MCM9: variants seen among roughly 807,000 people sequenced by gnomAD.
MCM9 encodes the protein minichromosome maintenance 9 homologous recombination repair factor.
In MCM9, 55 loss-of-function variants were observed where a neutral mutation model predicts 72.8. The observed-to-expected ratio is 0.76, with a 90% CI of 0.61 to 0.95. MCM9 has a LOEUF of 0.95. MCM9 is among the 40% of genes least tolerant of loss of function. The pLI is 0.00. For synonymous variants in MCM9, 480 were observed against 503.4 expected (o/e 0.95, Z 0.62); for missense variants, 1,279 against 1,377.0 (o/e 0.93, Z 1.13).
chr6:118,916,463 A>ATT (rs1755462535), intron 6 of MCM9, among the ~76,000 whole-genome samples: 3 of 147,362 alleles, frequency 2.0e-5, no homozygotes, highest in African/African-American at 7.4e-5. Flanking sequence ...TATTATTATT[A>ATT]TTATTATTAT....
At chr6:118,897,542 C>A (rs1779509065) in intron 8 of MCM9, among the ~76,000 whole-genome samples, 1 of 152,090 alleles carries the variant, frequency 6.6e-6, no homozygotes, top group South Asian at 2.1e-4. Context: ...TCAGCTTGTT[C>A]TAATTCCAAA....
chr6:118,891,685 G>A (rs1419655774), intron 8 of MCM9, among the ~76,000 whole-genome samples: 1 of 152,126 alleles, frequency 6.6e-6, no homozygotes, highest in Non-Finnish European at 1.5e-5. Flanking sequence ...ACATTCTGAG[G>A]TACTAGGGAT....
intron 8 of MCM9, among the ~76,000 whole-genome samples, chr6:118,864,558 G>T (rs986825429): frequency 6.6e-6 from 1 of 151,866 alleles, no homozygotes; most frequent in Non-Finnish European, 1.5e-5. Flanking sequence ...CACACTGGGC[G>T]ACTAAGAAAA....
At chr6:118,858,860 C>A (rs1488590494) in intron 8 of MCM9, among the ~76,000 whole-genome samples, 1 of 152,158 alleles carries the variant, frequency 6.6e-6, no homozygotes, top group Non-Finnish European at 1.5e-5. Flanking sequence ...TCTCCCCAAA[C>A]TGTTCTGTAG....
At chr6:118,824,195 A>G (rs1327665827) in intron 13 of MCM9, among the ~76,000 whole-genome samples, 1 of 152,060 alleles carries the variant, frequency 6.6e-6, no homozygotes, top group Admixed American at 6.6e-5. Context: ...CCAAACAAAA[A>G]AGCAAATAGC....
intron 2 of MCM9, 91 bp from the exon 3 acceptor site, chr6:118,931,829 C>T: frequency 1.0e-6 from 1 of 953,452 alleles, no homozygotes; most frequent in Non-Finnish European, 1.5e-6. Flanking sequence ...ATCACACTGG[C>T]TTTGGGTCAT....
chr6:118,818,742 G>GATTC (rs1773582490), intron 13 of MCM9, among the ~76,000 whole-genome samples: 1 of 152,124 alleles, frequency 6.6e-6, no homozygotes, highest in African/African-American at 2.4e-5. Flanking sequence ...TCACAATATT[G>GATTC]ATTCACCCTA....
chr6:118,914,673 G>C (rs1780799719), intron 6 of MCM9, among the ~76,000 whole-genome samples: 1 of 152,138 alleles, frequency 6.6e-6, no homozygotes, highest in Admixed American at 6.6e-5. Context: ...CCAGAATCTA[G>C]TGATTACATG....
chr6:118,911,414 A>G (rs1470986290), intron 8 of MCM9: 7 of 1,255,994 alleles, frequency 5.6e-6, no homozygotes, highest in Non-Finnish European at 4.0e-6. Context: ...GGTAATCACT[A>G]GAGAATGAGA....
intron 3 of MCM9, among the ~76,000 whole-genome samples, chr6:118,930,401 C>T (rs1464532969): frequency 2.0e-5 from 3 of 152,136 alleles, no homozygotes; most frequent in Non-Finnish European, 2.9e-5. Flanking sequence ...CGTGAGCCAC[C>T]GCGCCCGGCT....
chr6:118,879,957 T>G (rs963755910), intron 8 of MCM9, among the ~76,000 whole-genome samples: 7 of 151,164 alleles, frequency 4.6e-5, no homozygotes, highest in Admixed American at 4.6e-4. Flanking sequence ...GCAAGGAGAA[T>G]CACTTGAACC....
intron 9 of MCM9, among the ~76,000 whole-genome samples, chr6:118,841,835 CTTT>C (rs750136757): frequency 6.7e-5 from 9 of 134,682 alleles, no homozygotes; most frequent in Admixed American, 7.4e-5. Context: ...GCTATCTTGC[CTTT>C]TTTTTTTTTT....
Position 118,884,576 on chromosome 6 carries a change from G to A in MCM9, c.1150+27074C>T, listed in dbSNP as rs1024531028. On this transcript the variant is annotated intron_variant, in intron 8 of 13. Transcript: ENST00000619706. ...TAAAATGGCAGATAGGAATGCAACC[G>A]TATCAGTAACATTAAATGTGAATGG... Among the ~76,000 whole-genome samples, 6 of 152,014 alleles carry A rather than the reference G, an allele frequency of 3.9e-5. No homozygotes were observed. In the East Asian group the frequency reaches 7.7e-4, roughly 20 times the overall value.
chr6:118,893,851 A>AC (rs1185488673), intron 8 of MCM9, among the ~76,000 whole-genome samples: 1 of 73,582 alleles, frequency 1.4e-5, no homozygotes, highest in Non-Finnish European at 3.6e-5. Flanking sequence ...AAAACAAAAA[A>AC]AAAAACAAAA....
At position 118,816,223 on chromosome 6, in the gene MCM9, C is replaced by A. The variant is rs1773399187; in HGVS notation, c.2033G>T (p.Arg678Ile). 2 of 1,550,328 alleles carry A rather than the reference C, an allele frequency of 1.3e-6. No homozygotes were observed. The highest frequency in any genetic ancestry group is 8.7e-7 in the Non-Finnish European group (1 of 1,146,908). ...GTTTGATTCTTCCCCTGGACCATTTCTCAAGGATCCTGGAGTAGTCTCTAC... is the reference window on the plus strand; with the variant it reads ...GTTTGATTCTTCCCCTGGACCATTTATCAAGGATCCTGGAGTAGTCTCTAC... ...LEVETTPGSL[R>I]NGPGEESNFR... Residue 678 changes from arginine (R) to isoleucine (I), a missense_variant, in exon 14 of 14, where the codon AGA becomes ATA. Arg to Ile is a moderately conservative substitution (Grantham distance 97). Transcript: ENST00000619706.
At chr6:118,841,749 T>C (rs1443157424) in intron 9 of MCM9, among the ~76,000 whole-genome samples, 1 of 152,160 alleles carries the variant, frequency 6.6e-6, no homozygotes, top group Non-Finnish European at 1.5e-5. Context: ...CTTTTCGTCT[T>C]TAAGGTGCCA....
intron 3 of MCM9, among the ~76,000 whole-genome samples, chr6:118,928,056 T>C (rs574892433): frequency 6.6e-6 from 1 of 152,332 alleles, no homozygotes; most frequent in Non-Finnish European, 1.5e-5. Context: ...TTTGTCTCAG[T>C]GCTCTCCTCT....
chr6:118,906,679 G>T (rs1253083242), intron 8 of MCM9, among the ~76,000 whole-genome samples: 1 of 152,154 alleles, frequency 6.6e-6, no homozygotes, highest in African/African-American at 2.4e-5. Flanking sequence ...TTCTGAGTGA[G>T]AAGCTGAAAT....
chr6:118,871,182 T>C (rs1172152635), intron 8 of MCM9, among the ~76,000 whole-genome samples: 3 of 152,054 alleles, frequency 2.0e-5, no homozygotes, highest in Non-Finnish European at 4.4e-5. Flanking sequence ...TTAACAGAGA[T>C]ACAAAAATCT....
Sources: gnomAD v4.1 joint callset for allele counts (sites outside exome capture counted in the v4.1 genomes callset) on GRCh38, gnomAD v4.1.1 for gene constraint, MANE v1.5 for transcripts, NCBI Gene and HGNC (gene_info 2026-07-23, HGNC 2026-07-21) for gene names.